Variants in PTPRD observed in about 807,000 individuals in gnomAD.
PTPRD encodes the protein protein tyrosine phosphatase receptor type D, also known as receptor-type tyrosine-protein phosphatase delta.
PTPRD carries 34 observed loss-of-function variants against 214.5 expected under a neutral mutation model. The ratio of observed to expected loss-of-function variants is 0.16; its 90% CI spans 0.12 to 0.21. PTPRD has a LOEUF of 0.21. PTPRD is among the 10% of genes least tolerant of loss of function. The pLI is 1.00. For synonymous variants in PTPRD, 1,128 were observed against 845.7 expected (o/e 1.33, Z -5.79); for missense variants, 2,545 against 2,398.7 (o/e 1.06, Z -1.27).
At chr9:9,080,554 C>G (rs906593085) in intron 10 of PTPRD, among the ~76,000 whole-genome samples, 5 of 151,886 alleles carry the variant, frequency 3.3e-5, no homozygotes, top group African/African-American at 1.2e-4. Flanking sequence ...AGGTAATTCC[C>G]AAGATTACAT....
chr9:8,681,348 C>G (rs907745501), intron 12 of PTPRD, among the ~76,000 whole-genome samples: 1 of 150,684 alleles, frequency 6.6e-6, no homozygotes, highest in African/African-American at 2.4e-5. Context: ...CTATAGCTAG[C>G]GAAGAAAAAA....
At chr9:9,777,345 AC>A (rs2098806455) in intron 5 of PTPRD, among the ~76,000 whole-genome samples, 3 of 151,196 alleles carry the variant, frequency 2.0e-5, no homozygotes, top group African/African-American at 7.3e-5. Flanking sequence ...ACACACACAC[AC>A]ACACACACCC....
chr9:10,018,303 T>A (rs192731411), intron 4 of PTPRD, among the ~76,000 whole-genome samples: 1 of 152,092 alleles, frequency 6.6e-6, no homozygotes, highest in African/African-American at 2.4e-5. Flanking sequence ...TTCTATCTCT[T>A]TTATATATTC....
chr9:9,767,135 TAGAA>T (rs1473961001), intron 5 of PTPRD, among the ~76,000 whole-genome samples: 2 of 151,920 alleles, frequency 1.3e-5, no homozygotes, highest in African/African-American at 4.8e-5. Flanking sequence ...GAAAAAATTA[TAGAA>T]AGAAAGAACA....
At chr9:8,898,558 T>C (rs1465993986) in intron 11 of PTPRD, among the ~76,000 whole-genome samples, 1 of 152,198 alleles carries the variant, frequency 6.6e-6, no homozygotes, top group Non-Finnish European at 1.5e-5. Flanking sequence ...TTTACATATA[T>C]AAAATAGCAT....
intron 7 of PTPRD, among the ~76,000 whole-genome samples, chr9:9,667,326 C>T (rs2096742834): frequency 1.3e-5 from 2 of 152,020 alleles, no homozygotes; most frequent in South Asian, 4.1e-4. Flanking sequence ...TCATTTACCC[C>T]TCTCATCCTC....
At chr9:9,147,095 G>A (rs1276065606) in intron 10 of PTPRD, among the ~76,000 whole-genome samples, 1 of 152,190 alleles carries the variant, frequency 6.6e-6, no homozygotes, top group East Asian at 1.9e-4. Context: ...TATGAGATTA[G>A]ACCTGTTAAA....
chr9:9,533,527 G>C (rs1236984187), intron 8 of PTPRD, among the ~76,000 whole-genome samples: 3 of 151,684 alleles, frequency 2.0e-5, no homozygotes, highest in Non-Finnish European at 4.4e-5. Context: ...AATTTTTTCT[G>C]TAATTTTTCT....
intron 2 of PTPRD, among the ~76,000 whole-genome samples, chr9:10,437,197 T>A (rs2098724859): frequency 6.6e-6 from 1 of 151,860 alleles, no homozygotes; most frequent in Non-Finnish European, 1.5e-5. Flanking sequence ...GAAATGGTTT[T>A]GGAATCCACA....
At chr9:8,842,708 T>C (rs1482033799) in intron 11 of PTPRD, among the ~76,000 whole-genome samples, 1 of 152,192 alleles carries the variant, frequency 6.6e-6, no homozygotes, top group African/African-American at 2.4e-5. Context: ...TTCTAGCAGG[T>C]TGTTCTGAGA....
intron 5 of PTPRD, among the ~76,000 whole-genome samples, chr9:9,840,632 G>A (rs1296226935): frequency 3.3e-5 from 5 of 151,698 alleles, no homozygotes; most frequent in South Asian, 2.1e-4. Context: ...GCGTGGTGGC[G>A]CGTGCCTGTA....
intron 11 of PTPRD, among the ~76,000 whole-genome samples, chr9:8,777,939 C>T (rs571120269): frequency 6.6e-6 from 1 of 152,280 alleles, no homozygotes; most frequent in East Asian, 1.9e-4. Flanking sequence ...TGGGCTCCAT[C>T]CTGAGGTATT....
intron 10 of PTPRD, among the ~76,000 whole-genome samples, chr9:9,081,823 CT>C (rs201454000): frequency 0.03 from 4,096 of 137,314 alleles, 79 homozygotes; most frequent in East Asian, 0.068. Flanking sequence ...GCAACTCCTG[CT>C]TTTTTTTTTT....
At chr9:8,967,306 G>T (rs2099203037) in intron 11 of PTPRD, among the ~76,000 whole-genome samples, 1 of 151,706 alleles carries the variant, frequency 6.6e-6, no homozygotes, top group Non-Finnish European at 1.5e-5. Context: ...GATTGGATAT[G>T]AAATGAAAAC....
chr9:8,865,917 A>T (rs1341355971), intron 11 of PTPRD, among the ~76,000 whole-genome samples: 1 of 152,204 alleles, frequency 6.6e-6, no homozygotes, highest in Non-Finnish European at 1.5e-5. Flanking sequence ...GGAACTTTTG[A>T]TGAGAATGAT....
chr9:10,345,229 C>T (rs2097049250), intron 2 of PTPRD, among the ~76,000 whole-genome samples: 1 of 151,998 alleles, frequency 6.6e-6, no homozygotes. Flanking sequence ...CCTCAATTTA[C>T]ACATGGAAAT....
chr9:9,315,833 C>CTTTTTTT (rs566821610), intron 9 of PTPRD, among the ~76,000 whole-genome samples: 41 of 93,308 alleles, frequency 4.4e-4, no homozygotes, highest in East Asian at 6.2e-4. Flanking sequence ...TAGCAGACAA[C>CTTTTTTT]TTTTTTTTTT....
rs540653166 is a variant in PTPRD, at chr9:9,941,855, T to C, written c.-471-3245A>G. Among the ~76,000 whole-genome samples, 38 of 152,292 alleles carry C rather than the reference T, an allele frequency of 2.5e-4. 1 individual carries two copies. The highest frequency in any genetic ancestry group is 7.7e-4 in the African/African-American group (32 of 41,552). ...TCCAAGGTTGCCAAAAGCACTACAA[T>C]TGATTGATTTCCAGAAGAAAAATCA... On this transcript the variant is annotated intron_variant, in intron 4 of 45. Coordinates refer to ENST00000381196, the MANE Select transcript of PTPRD (RefSeq NM_002839.4).
intron 3 of PTPRD, among the ~76,000 whole-genome samples, chr9:10,205,365 T>C (rs1299914647): frequency 6.7e-6 from 1 of 149,152 alleles, no homozygotes; most frequent in African/African-American, 2.5e-5. Flanking sequence ...ATTCTTCTTC[T>C]TCTTTATTTT....
Sources: gnomAD v4.1 joint callset for allele counts (sites outside exome capture counted in the v4.1 genomes callset) on GRCh38, gnomAD v4.1.1 for gene constraint, MANE v1.5 for transcripts, NCBI Gene and HGNC (gene_info 2026-07-23, HGNC 2026-07-21) for gene names.